The following LIN52 variants were observed in gnomAD, a reference collection of about 807,000 sequenced individuals.
LIN52 encodes lin-52 DREAM MuvB core complex component.
In LIN52, 4 loss-of-function variants were observed where a neutral mutation model predicts 18.5. The observed-to-expected ratio is 0.22, with a 90% CI of 0.11 to 0.49. The LOEUF (loss-of-function observed/expected upper bound fraction) is 0.49, where lower values mean the gene tolerates loss of function less well. Ranked by LOEUF, LIN52 falls within the 20% of genes least tolerant of loss-of-function variation. The pLI, the probability that LIN52 is intolerant of heterozygous loss-of-function variation, is 0.97. For synonymous variants in LIN52, 34 were observed against 45.5 expected (o/e 0.75, Z 1.02); for missense variants, 102 against 139.5 (o/e 0.73, Z 1.35).
intron 5 of LIN52, among the ~76,000 whole-genome samples, chr14:74,193,518 G>A (rs2078893349): frequency 6.6e-6 from 1 of 152,082 alleles, no homozygotes; most frequent in African/African-American, 2.4e-5. Flanking sequence ...CTTGTACATA[G>A]CTGTTACATG....
chr14:74,196,942 A>C (rs2078916043), intron 5 of LIN52, among the ~76,000 whole-genome samples: 1 of 152,208 alleles, frequency 6.6e-6, no homozygotes, highest in African/African-American at 2.4e-5. Context: ...CTGAGTTCAA[A>C]TCCTGTGTTC....
In LIN52 at chr14:74,085,000, G is replaced by T. The variant is rs767926608; in HGVS notation, c.19+7G>T. ...ATGGCGTCTCCCACAGACGGTAAGA[G>T]CCGGCTTAGAGATCTTTGCCTGCAG... On this transcript the variant is annotated splice_region_variant and intron_variant, in intron 1 of 5. Coordinates refer to ENST00000555028, the MANE Select transcript of LIN52 (RefSeq NM_001024674.3). The T allele has an allele frequency of 2.6e-5, 36 of 1,403,592 alleles. No individual in the cohort carries two copies. Among genetic ancestry groups the T allele is most frequent in the African/African-American group, 3.0e-5 (2 of 67,240 alleles). The allele number at this position is 1,403,592 out of a possible 1,614,324, so 86.9% of individuals were successfully genotyped here. A position where few individuals can be genotyped will look rare whatever the true frequency, so the allele number is the denominator to read the frequency against.
rs1206737643 is a variant in LIN52, at chr14:74,149,429, A to G, written c.283+48191A>G. ...GGCAGCTGTCTCCTTTTTGCCTTTA[A>G]GTTGAGACATCATGATGAGATAAGA... On this transcript the variant is annotated intron_variant, in intron 5 of 5. Coordinates refer to ENST00000555028, the MANE Select transcript of LIN52 (RefSeq NM_001024674.3). Among the ~76,000 whole-genome samples the G allele has an allele frequency of 2.0e-5, 3 of 152,098 alleles. No homozygotes were observed. The East Asian group carries it at 5.8e-4, about 29-fold the overall frequency.
chr14:74,108,268 CT>C lies in LIN52; in HGVS notation c.283+7031del, dbSNP rs578122069. 1.9e-4 allele frequency among the ~76,000 whole-genome samples: 29 copies of C among 152,228 alleles called. 1 individual carries two copies. In the South Asian group the frequency reaches 6.0e-3, roughly 32 times the overall value. The stretch of plus-strand genomic sequence containing the variant: ...GATACGCCACATTGTATTTATCTAC[CT>C]GGTGATGGGCGTTTGAGTTGTTTTC... On this transcript the variant is annotated intron_variant, in intron 5 of 5. Coordinates refer to ENST00000555028, the MANE Select transcript of LIN52 (RefSeq NM_001024674.3).
At chr14:74,129,363 G>A (rs138149727) in intron 5 of LIN52, among the ~76,000 whole-genome samples, 4 of 152,308 alleles carry the variant, frequency 2.6e-5, no homozygotes, top group African/African-American at 9.6e-5. Flanking sequence ...TCAAATATAA[G>A]TAAGGTTTCT....
At chr14:74,107,594 G>T (rs2060904650) in intron 5 of LIN52, among the ~76,000 whole-genome samples, 1 of 151,568 alleles carries the variant, frequency 6.6e-6, no homozygotes, top group African/African-American at 2.4e-5. Flanking sequence ...GAGATTTTTG[G>T]TACATGTCTC....
chr14:74,113,709 G>A (rs2060945059), intron 5 of LIN52, among the ~76,000 whole-genome samples: 1 of 152,132 alleles, frequency 6.6e-6, no homozygotes, highest in African/African-American at 2.4e-5. Context: ...TTAACTGTGT[G>A]TGTTGTAGAT....
intron 3 of LIN52, among the ~76,000 whole-genome samples, 160 bp downstream of exon 3, chr14:74,096,145 C>T (rs1295908789): frequency 3.9e-5 from 6 of 152,204 alleles, no homozygotes; most frequent in African/African-American, 1.2e-4. Context: ...ACTGCAACTT[C>T]CACTTACCAA....
At chr14:74,091,205 T>C in intron 1 of LIN52, 27 bp from the exon 2 acceptor site, 1 of 1,551,876 alleles carries the variant, frequency 6.4e-7, no homozygotes, top group South Asian at 1.1e-5. Context: ...TCCTGTCTTC[T>C]TGGTTCATCT....
At chr14:74,169,973 T>C (rs1247586277) in intron 5 of LIN52, among the ~76,000 whole-genome samples, 1 of 152,182 alleles carries the variant, frequency 6.6e-6, no homozygotes, top group African/African-American at 2.4e-5. Flanking sequence ...CACTGGAAGC[T>C]GGGTCTTGAA....
rs564772889 is a variant in LIN52, at chr14:74,153,320, T to C, written c.284-45602T>C. 4.6e-5 allele frequency among the ~76,000 whole-genome samples: 7 copies of C among 152,314 alleles called. No individual in the cohort carries two copies. In the South Asian group the frequency reaches 1.5e-3, roughly 32 times the overall value. On this transcript the variant is annotated intron_variant, in intron 5 of 5. Transcript: ENST00000555028. ...AATGTTAGAACTAGTTTTTTCTTTGTGTGTGTATGCTTTATGGCGGTTTCC... is the reference window on the plus strand; with the variant it reads ...AATGTTAGAACTAGTTTTTTCTTTGCGTGTGTATGCTTTATGGCGGTTTCC...
chr14:74,197,406 C>T (rs995209713), intron 5 of LIN52, among the ~76,000 whole-genome samples: 18 of 152,300 alleles, frequency 1.2e-4, no homozygotes, highest in South Asian at 2.1e-4. Context: ...CAGGAGAGCA[C>T]GTGCTCTGGA....
chr14:74,142,225 C>T (rs1165919751), intron 5 of LIN52, among the ~76,000 whole-genome samples: 1 of 152,156 alleles, frequency 6.6e-6, no homozygotes, highest in African/African-American at 2.4e-5. Context: ...TCTTTAGTCC[C>T]ATTCTCAACA....
At chr14:74,125,968 A>G (rs2061027610) in intron 5 of LIN52, among the ~76,000 whole-genome samples, 1 of 151,750 alleles carries the variant, frequency 6.6e-6, no homozygotes, top group Non-Finnish European at 1.5e-5. Flanking sequence ...CAGCACACCA[A>G]CATGGCACAT....
At chr14:74,127,721 GACAC>G (rs1232660138) in intron 5 of LIN52, among the ~76,000 whole-genome samples, 3 of 152,148 alleles carry the variant, frequency 2.0e-5, no homozygotes, top group Non-Finnish European at 4.4e-5. Context: ...AATGACTTAG[GACAC>G]AGAATAAGTC....
chr14:74,173,659 A>T (rs546566650), intron 5 of LIN52, among the ~76,000 whole-genome samples: 39 of 152,348 alleles, frequency 2.6e-4, no homozygotes, highest in African/African-American at 9.4e-4. Flanking sequence ...AAACAAAAGG[A>T]ATATTTTTCA....
At chr14:74,138,615 A>C (rs988001743) in intron 5 of LIN52, among the ~76,000 whole-genome samples, 1 of 152,030 alleles carries the variant, frequency 6.6e-6, no homozygotes, top group Non-Finnish European at 1.5e-5. Flanking sequence ...TTAGCTGGTG[A>C]GGTGGCTCAA....
intron 5 of LIN52, among the ~76,000 whole-genome samples, chr14:74,170,518 T>A (rs889879357): frequency 2.0e-5 from 3 of 149,998 alleles, no homozygotes; most frequent in African/African-American, 4.9e-5. Context: ...AAAAAAAAAA[T>A]GGAAATAATT....
At position 74,096,000 on chromosome 14, in the gene LIN52, T is replaced by G. The variant is rs746392861; in HGVS notation, c.132+15T>G. ...CCTTCAAAAGTGTAAGTAATATCCCTTACCTACTGAGGTCAATCCAAAGTT... is the reference window on the plus strand; with the variant it reads ...CCTTCAAAAGTGTAAGTAATATCCCGTACCTACTGAGGTCAATCCAAAGTT... On this transcript the variant is annotated intron_variant, in intron 3 of 5. Coordinates refer to ENST00000555028, the MANE Select transcript of LIN52 (RefSeq NM_001024674.3). 2 of 1,589,988 alleles carry G rather than the reference T, an allele frequency of 1.3e-6. No individual in the cohort carries two copies. Among genetic ancestry groups the G allele is most frequent in the Non-Finnish European group, 1.7e-6 (2 of 1,163,558 alleles).
Sources: allele counts gnomAD v4.1 joint callset (sites outside exome capture counted in the v4.1 genomes callset), GRCh38; gene constraint gnomAD v4.1.1; transcripts MANE v1.5; gene names NCBI Gene and HGNC (gene_info 2026-07-23, HGNC 2026-07-21).